MPHOSPH9: variants seen among roughly 807,000 people sequenced by gnomAD.
The protein encoded by MPHOSPH9 is M-phase phosphoprotein 9.
A neutral mutation model predicts 145.5 loss-of-function variants in MPHOSPH9; 88 were observed. That is an observed-to-expected ratio of 0.60 (90% CI 0.51 to 0.72). MPHOSPH9 has a LOEUF of 0.72. Among genes scored for constraint, MPHOSPH9 ranks in the 30% least tolerant of loss-of-function variants. MPHOSPH9 has a pLI of 0.00. For synonymous variants in MPHOSPH9, 435 were observed against 486.2 expected (o/e 0.89, Z 1.39); for missense variants, 1,238 against 1,386.6 (o/e 0.89, Z 1.70).
chr12:123,205,521 G>A (rs900077084), intron 8 of MPHOSPH9, among the ~76,000 whole-genome samples: 3 of 152,042 alleles, frequency 2.0e-5, no homozygotes, highest in Admixed American at 2.0e-4. Flanking sequence ...ATTCCAGCCT[G>A]TGAAACAGAG....
At chr12:123,195,487 G>A (rs954590414) in intron 12 of MPHOSPH9, among the ~76,000 whole-genome samples, 1 of 151,902 alleles carries the variant, frequency 6.6e-6, no homozygotes, top group African/African-American at 2.4e-5. Context: ...TCAGGAGGCT[G>A]AGGCAGGAGA....
intron 15 of MPHOSPH9, among the ~76,000 whole-genome samples, chr12:123,177,809 G>A (rs2044947185): frequency 6.7e-6 from 1 of 149,104 alleles, no homozygotes; most frequent in Non-Finnish European, 1.5e-5. Context: ...CACAAACAAG[G>A]AAGCAGGCTT....
At chr12:123,242,198 C>T (rs2047950445) in intron 1 of MPHOSPH9, among the ~76,000 whole-genome samples, 1 of 152,146 alleles carries the variant, frequency 6.6e-6, no homozygotes. Context: ...GGAGCTTTCA[C>T]CTTAACTGCG....
At chr12:123,194,301 G>C (rs919369678) in intron 13 of MPHOSPH9, 85 bp downstream of exon 13, 2 of 807,658 alleles carry the variant, frequency 2.5e-6, no homozygotes, top group African/African-American at 3.5e-5. Flanking sequence ...AATAAGCCTA[G>C]AAAGTCATAA....
At chr12:123,213,614 T>C (rs549839599) in intron 7 of MPHOSPH9, among the ~76,000 whole-genome samples, 8 of 152,258 alleles carry the variant, frequency 5.3e-5, no homozygotes, top group African/African-American at 1.4e-4. Context: ...GCTGGGATTA[T>C]AGGCATGAGC....
Position 123,156,855 on chromosome 12 carries a change from G to A in MPHOSPH9, c.3504C>T (p.Arg1168=). The A allele has an allele frequency of 6.2e-7, 1 of 1,612,388 alleles. No individual in the cohort carries two copies. Among genetic ancestry groups the A allele is most frequent in the Admixed American group, 1.7e-5 (1 of 60,020 alleles). The change falls in exon 24 of 24, where the codon CGC becomes CGT. Residue 1168 remains arginine, a synonymous_variant. Transcript: ENST00000606320. ...AAACATGGAATTTCTTTAGCGTCAT[G>A]CGAACTGAACCCAGTTCTCGATTAA... The part of the protein sequence containing the change: ...ERINRELGSV[R]MTLKKFHVLR...
Position 123,202,275 on chromosome 12 carries a change from T to C in MPHOSPH9, c.1826A>G (p.Asp609Gly), listed in dbSNP as rs2138351240. Reference sequence around the variant, plus strand: ...TTCTGATTCATAATAAGCTCGAAGATCTGCTATGTGTCGAGCATGCTTTTC... The same window carrying C: ...TTCTGATTCATAATAAGCTCGAAGACCTGCTATGTGTCGAGCATGCTTTTC... Reference protein sequence around the residue: ...LKEKHARHIADLRAYYESEIN... With the variant: ...LKEKHARHIAGLRAYYESEIN... Residue 609 changes from aspartate (D) to glycine (G), a missense_variant, in exon 11 of 24, where the codon GAT (aspartate) becomes GGT (glycine). Asp to Gly is a moderately conservative substitution (Grantham distance 94). Transcript: ENST00000606320. 6.2e-7 allele frequency: 1 copy of C among 1,612,962 alleles called. No homozygotes were observed. The highest frequency in any genetic ancestry group is 8.5e-7 in the Non-Finnish European group (1 of 1,179,728).
intron 5 of MPHOSPH9, among the ~76,000 whole-genome samples, chr12:123,219,124 C>G (rs1208154637): frequency 1.3e-5 from 2 of 151,708 alleles, no homozygotes; most frequent in African/African-American, 2.4e-5. Flanking sequence ...AGGCTGATCT[C>G]GAACTCCTGG....
At chr12:123,195,518 G>A (rs992404936) in intron 12 of MPHOSPH9, among the ~76,000 whole-genome samples, 5 of 151,668 alleles carry the variant, frequency 3.3e-5, no homozygotes, top group Non-Finnish European at 7.4e-5. Flanking sequence ...CCCAGGAGGC[G>A]GAGGTGGCAA....
Position 123,176,773 on chromosome 12 carries a change from C to A in MPHOSPH9, c.2371G>T (p.Glu791Ter), listed in dbSNP as rs1187182968. ...SDLKRMISKL[E>*]AQVKQVEHEN... ...TGTTCTACTTGCTTGACCTGAGCTT[C>A]AAGTTTTGAAATCATTCTAATTCAA... The change falls in exon 16 of 24, where the codon GAA (glutamate) becomes TAA (stop). Residue 791 changes from glutamate (E) to a stop codon, truncating the protein, a stop_gained. Coordinates refer to ENST00000606320, the MANE Select transcript of MPHOSPH9 (RefSeq NM_022782.4). LOFTEE classifies it high-confidence loss of function. 1 of 1,612,500 alleles carries A rather than the reference C, an allele frequency of 6.2e-7. No individual in the cohort carries two copies. Among genetic ancestry groups the A allele is most frequent in the Non-Finnish European group, 8.5e-7 (1 of 1,178,922 alleles).
intron 20 of MPHOSPH9, 113 bp from the exon 21 acceptor site, chr12:123,162,331 A>C (rs1045331130): frequency 8.5e-6 from 4 of 469,324 alleles, no homozygotes; most frequent in Non-Finnish European, 1.5e-5. Flanking sequence ...GTATTTTCTT[A>C]AAAGAAAGCT....
At chr12:123,222,972 GTGTGTGTGTATA>G in intron 4 of MPHOSPH9, 54 bp downstream of exon 4, 1 of 769,794 alleles carries the variant, frequency 1.3e-6, no homozygotes, top group Non-Finnish European at 2.0e-6. Context: ...ATGTGTGTGT[GTGTGTGTGTATA>G]TGTACGTATG....
intron 2 of MPHOSPH9, 37 bp downstream of exon 2, chr12:123,230,224 T>A: frequency 1.8e-6 from 2 of 1,105,012 alleles, no homozygotes; most frequent in Non-Finnish European, 2.6e-6. Flanking sequence ...ATAAGGTTAT[T>A]CTGATTTGGT....
upstream of MPHOSPH9, among the ~76,000 whole-genome samples, chr12:123,235,300 T>C (rs1286078194): frequency 6.6e-6 from 1 of 152,192 alleles, no homozygotes; most frequent in Non-Finnish European, 1.5e-5. Flanking sequence ...GCAGGTCTGT[T>C]GGCCACAGAG....
chr12:123,162,998 A>G lies in MPHOSPH9; in HGVS notation c.3029+16T>C. The G allele has an allele frequency of 1.3e-6, 2 of 1,535,754 alleles. No individual in the cohort carries two copies. The highest frequency in any genetic ancestry group is 1.7e-6 in the Non-Finnish European group (2 of 1,151,228). ...CTAATATAGTAAACTTTATTCTACAATTTTAGAGAACTTACCGAATTGGAC... is the reference window on the plus strand; with the variant it reads ...CTAATATAGTAAACTTTATTCTACAGTTTTAGAGAACTTACCGAATTGGAC... On this transcript the variant is annotated intron_variant, in intron 20 of 23. Transcript: ENST00000606320.
Position 123,202,790 on chromosome 12 carries a change from C to T in MPHOSPH9, c.1615G>A (p.Val539Ile). The change falls in exon 10 of 24, where the codon GTA (valine) becomes ATA (isoleucine). Residue 539 changes from valine to isoleucine, a missense_variant. Coordinates refer to ENST00000606320, the MANE Select transcript of MPHOSPH9 (RefSeq NM_022782.4). ...ATATCATTACTAGTAATGGTATATACTGACGGAAACGTGGAACTGGTCCTA... is the reference window on the plus strand; with the variant it reads ...ATATCATTACTAGTAATGGTATATATTGACGGAAACGTGGAACTGGTCCTA... ...ESRTSSTFPS[V>I]YTITSNDISV... 1 of 1,614,170 alleles carries T rather than the reference C, an allele frequency of 6.2e-7. No individual in the cohort carries two copies. Among genetic ancestry groups the T allele is most frequent in the East Asian group, 2.2e-5 (1 of 44,880 alleles).
At chr12:123,228,249 T>C (rs1345904622) in intron 2 of MPHOSPH9, among the ~76,000 whole-genome samples, 28 of 152,204 alleles carry the variant, frequency 1.8e-4, no homozygotes, top group Non-Finnish European at 4.4e-5. Flanking sequence ...TTCAGGACAT[T>C]AAAATGTACT....
intron 12 of MPHOSPH9, among the ~76,000 whole-genome samples, chr12:123,196,811 T>C (rs1039757655): frequency 1.3e-5 from 2 of 152,168 alleles, no homozygotes; most frequent in African/African-American, 4.8e-5. Flanking sequence ...GAATGAAATA[T>C]ATTCAGCCAT....
intron 12 of MPHOSPH9, 23 bp from the exon 13 acceptor site, chr12:123,194,624 A>AT (rs370653679): frequency 0.18 from 216,625 of 1,171,140 alleles, 7,067 homozygotes; most frequent in African/African-American, 0.5. Flanking sequence ...GACAAACATA[A>AT]TTTTTTTTTT....
Sources: gnomAD v4.1 joint callset for allele counts (sites outside exome capture counted in the v4.1 genomes callset) on GRCh38, gnomAD v4.1.1 for gene constraint, MANE v1.5 for transcripts, NCBI Gene and HGNC (gene_info 2026-07-23, HGNC 2026-07-21) for gene names.